Variants in TRPC4 observed in about 807,000 individuals in gnomAD.
The protein encoded by TRPC4 is transient receptor potential cation channel subfamily C member 4.
Under a neutral mutation model 99.4 loss-of-function variants are expected in TRPC4, and 49 were observed. That is an observed-to-expected ratio of 0.49 (90% CI 0.39 to 0.63). The LOEUF is 0.63. Ranked by LOEUF, TRPC4 falls within the 20% of genes least tolerant of loss-of-function variation. TRPC4 has a pLI of 0.00. For synonymous variants in TRPC4, 454 were observed against 425.9 expected (o/e 1.07, Z -0.81); for missense variants, 898 against 1,152.9 (o/e 0.78, Z 3.20).
At chr13:37,694,441 C>T (rs1953842353) in intron 3 of TRPC4, among the ~76,000 whole-genome samples, 1 of 152,168 alleles carries the variant, frequency 6.6e-6, no homozygotes, top group Non-Finnish European at 1.5e-5. Flanking sequence ...TCAAATCTCA[C>T]TACAGCATGG....
intron 3 of TRPC4, among the ~76,000 whole-genome samples, chr13:37,733,713 C>T (rs9576346): frequency 0.3 from 45,821 of 151,920 alleles, 7,995 homozygotes; most frequent in East Asian, 0.64. Context: ...TCTGCCCACC[C>T]GGATTTATGA....
At chr13:37,674,051 G>C (rs1952955338) in intron 5 of TRPC4, among the ~76,000 whole-genome samples, 177 bp downstream of exon 5, 1 of 152,036 alleles carries the variant, frequency 6.6e-6, no homozygotes, top group African/African-American at 2.4e-5. Context: ...GTGATTAAAG[G>C]CTATGCATTT....
At chr13:37,795,027 G>A (rs1957211093) in intron 1 of TRPC4, among the ~76,000 whole-genome samples, 1 of 151,902 alleles carries the variant, frequency 6.6e-6, no homozygotes, top group South Asian at 2.1e-4. Flanking sequence ...CAATTAATTT[G>A]GCTATTTTTT....
chr13:37,643,135 C>G (rs1476065767), intron 8 of TRPC4, among the ~76,000 whole-genome samples: 1 of 152,102 alleles, frequency 6.6e-6, no homozygotes, highest in East Asian at 1.9e-4. Flanking sequence ...GGTGATAATC[C>G]TGGCACTGTA....
intron 1 of TRPC4, among the ~76,000 whole-genome samples, chr13:37,861,709 C>T (rs1959347650): frequency 6.6e-6 from 1 of 151,524 alleles, no homozygotes; most frequent in African/African-American, 2.4e-5. Context: ...GTAGCTTGCA[C>T]ATTACAAATC....
intron 3 of TRPC4, among the ~76,000 whole-genome samples, chr13:37,708,649 T>TTATGTA (rs1954370711): frequency 6.6e-6 from 1 of 150,410 alleles, no homozygotes; most frequent in Admixed American, 6.7e-5. Flanking sequence ...TGGTCTAAAA[T>TTATGTA]TATGTATATA....
chr13:37,792,165 T>C (rs1957138544), intron 1 of TRPC4, among the ~76,000 whole-genome samples: 1 of 152,150 alleles, frequency 6.6e-6, no homozygotes, highest in Non-Finnish European at 1.5e-5. Context: ...ATCAAGGGTT[T>C]ACAAGGAAAG....
intron 1 of TRPC4, among the ~76,000 whole-genome samples, chr13:37,815,752 G>T (rs1258473125): frequency 1.3e-5 from 2 of 151,680 alleles, no homozygotes; most frequent in East Asian, 3.9e-4. Flanking sequence ...GAACTTGACA[G>T]TTGATCAAAC....
intron 4 of TRPC4, among the ~76,000 whole-genome samples, chr13:37,682,920 ATC>A (rs1953299709): frequency 8.2e-6 from 1 of 122,042 alleles, no homozygotes; most frequent in Non-Finnish European, 1.6e-5. Flanking sequence ...ATGCCCAGCT[ATC>A]TTTTTTTTTT....
At chr13:37,645,474 A>T (rs895760750) in intron 8 of TRPC4, among the ~76,000 whole-genome samples, 1 of 152,090 alleles carries the variant, frequency 6.6e-6, no homozygotes, top group African/African-American at 2.4e-5. Flanking sequence ...GTCAATTTTC[A>T]ATGCCGTTTT....
At chr13:37,704,712 G>T (rs1245219440) in intron 3 of TRPC4, among the ~76,000 whole-genome samples, 1 of 152,024 alleles carries the variant, frequency 6.6e-6, no homozygotes, top group African/African-American at 2.4e-5. Context: ...GCACATTGAG[G>T]ATTATCAACC....
chr13:37,674,434 T>A, intron 4 of TRPC4, 67 bp from the exon 5 acceptor site: 1 of 1,522,266 alleles, frequency 6.6e-7, no homozygotes, highest in Non-Finnish European at 8.8e-7. Context: ...CAATATACAA[T>A]TTAACAATTA....
At chr13:37,748,725 G>T (rs1412752425) in intron 2 of TRPC4, among the ~76,000 whole-genome samples, 1 of 151,028 alleles carries the variant, frequency 6.6e-6, no homozygotes, top group Non-Finnish European at 1.5e-5. Flanking sequence ...GAATATTGCA[G>T]AAAATTTTAT....
At chr13:37,841,357 G>C (rs143184339) in intron 1 of TRPC4, among the ~76,000 whole-genome samples, 2 of 151,612 alleles carry the variant, frequency 1.3e-5, no homozygotes, top group African/African-American at 2.4e-5. Context: ...TTGTTTTCTC[G>C]GTTCCTTACC....
At chr13:37,674,479 A>G (rs889156841) in intron 4 of TRPC4, 112 bp from the exon 5 acceptor site, 2 of 1,110,776 alleles carry the variant, frequency 1.8e-6, no homozygotes, top group Non-Finnish European at 2.5e-6. Context: ...ACATTGTTAC[A>G]CTAAATGCAA....
In TRPC4 at chr13:37,663,500, T is replaced by C; in HGVS notation, c.1604A>G (p.Asn535Ser). The change falls in exon 6 of 11, where the codon AAT becomes AGT. Residue 535 changes from asparagine to serine, a missense_variant. Asn to Ser is a conservative substitution (Grantham distance 46). Transcript: ENST00000379705. Reference sequence around the variant, plus strand: ...TTCTTCATAATAGAAGTACAATTGATTTAGGCCATTTGCAAATGCTAGCAA... The same window carrying C: ...TTCTTCATAATAGAAGTACAATTGACTTAGGCCATTTGCAAATGCTAGCAA... ...LVLLAFANGL[N>S]QLYFYYEETK... is the part of the protein sequence containing the mutation. 2 of 1,614,186 alleles carry C rather than the reference T, an allele frequency of 1.2e-6. No homozygotes were observed. Among genetic ancestry groups the C allele is most frequent in the Non-Finnish European group, 1.7e-6 (2 of 1,180,016 alleles).
Position 37,816,366 on chromosome 13 carries a change from A to T in TRPC4, c.-27-33006T>A, listed in dbSNP as rs1957854636. 2.0e-5 allele frequency among the ~76,000 whole-genome samples: 3 copies of T among 151,740 alleles called. No homozygotes were observed. The Admixed American group carries it at 2.0e-4, about 10-fold the overall frequency. On this transcript the variant is annotated intron_variant, in intron 1 of 10. Coordinates refer to ENST00000379705, the MANE Select transcript of TRPC4 (RefSeq NM_016179.4). ...ATTAACAAAGATATTCAGGACCCAA[A>T]CTCAGCACTGATTCAAGTGGACCTG...
intron 1 of TRPC4, among the ~76,000 whole-genome samples, chr13:37,855,312 T>TATATATATATAC (rs1358907083): frequency 1.4e-5 from 2 of 146,344 alleles, no homozygotes; most frequent in African/African-American, 5.2e-5. Flanking sequence ...TATATATATA[T>TATATATATATAC]ACACATGTAG....
intron 2 of TRPC4, among the ~76,000 whole-genome samples, chr13:37,761,356 A>G (rs2086142088): frequency 6.6e-6 from 1 of 151,876 alleles, no homozygotes; most frequent in African/African-American, 2.4e-5. Flanking sequence ...AAATCCATGC[A>G]GCCTGACTCC....
Sources: allele counts gnomAD v4.1 joint callset (sites outside exome capture counted in the v4.1 genomes callset), GRCh38; gene constraint gnomAD v4.1.1; transcripts MANE v1.5; gene names NCBI Gene and HGNC (gene_info 2026-07-23, HGNC 2026-07-21).